IL1RAPL1: variants seen among roughly 807,000 people sequenced by gnomAD.
IL1RAPL1 encodes interleukin 1 receptor accessory protein like 1.
In IL1RAPL1, 3 loss-of-function variants were observed where a neutral mutation model predicts 48.4. The ratio of observed to expected loss-of-function variants is 0.06; its 90% CI spans 0.03 to 0.16. The LOEUF (loss-of-function observed/expected upper bound fraction) is 0.16. Ranked by LOEUF, IL1RAPL1 falls within the 10% of genes least tolerant of loss-of-function variation. The probability of loss-of-function intolerance (pLI) is 1.00; values close to 1 mark genes in which losing one functional copy is unlikely to be tolerated. For synonymous variants in IL1RAPL1, 185 were observed against 187.7 expected, an observed-to-expected ratio of 0.99 and a Z score of 0.12; for missense variants, 349 against 530.6, an observed-to-expected ratio of 0.66 and a Z score of 3.36.
At chrX:29,377,609 A>G (rs144748013) in intron 3 of IL1RAPL1, among the ~76,000 whole-genome samples, 1,554 of 111,839 alleles carry the variant, frequency 0.014, 28 homozygotes, top group African/African-American at 0.048. Flanking sequence ...TTTCTCCTTC[A>G]CTTATGAAGC....
intron 1 of IL1RAPL1, among the ~76,000 whole-genome samples, chrX:28,732,539 A>G (rs1261145391): frequency 8.9e-6 from 1 of 112,106 alleles, no homozygotes; most frequent in East Asian, 2.8e-4. Context: ...TGATTAATTC[A>G]GGTAATTGAA....
rs777501897 is a variant in IL1RAPL1, at chrX:29,763,050, GT to G, written c.778+94560del. ...CTAAAGTGATAAGAAAAAGTTTTTTGTTTTTTTTTTTTTTGAGCAAAACTGT... is the reference window on the plus strand; with the variant it reads ...CTAAAGTGATAAGAAAAAGTTTTTTGTTTTTTTTTTTTTGAGCAAAACTGT... On this transcript the variant is annotated intron_variant, in intron 6 of 10. Coordinates refer to ENST00000378993, the MANE Select transcript of IL1RAPL1 (RefSeq NM_014271.4). 7.1e-3 allele frequency among the ~76,000 whole-genome samples: 665 copies of G among 94,011 alleles called. 7 individuals are homozygous for G. Among genetic ancestry groups the G allele is most frequent in the African/African-American group, 0.022 (573 of 26,191 alleles). 81.6% of individuals were successfully genotyped at this position (94,011 alleles called of 115,157 possible). A position where few individuals can be genotyped will look rare whatever the true frequency, so the allele number is the denominator to read the frequency against.
intron 6 of IL1RAPL1, among the ~76,000 whole-genome samples, chrX:29,879,672 A>T (rs1392747320): frequency 9.1e-6 from 1 of 110,372 alleles, no homozygotes; most frequent in Non-Finnish European, 1.9e-5. Flanking sequence ...TTTCCGTTTT[A>T]AAAATATCGT....
At chrX:29,922,964 T>A (rs761415607) in intron 8 of IL1RAPL1, among the ~76,000 whole-genome samples, 1 of 110,252 alleles carries the variant, frequency 9.1e-6, no homozygotes, top group East Asian at 2.8e-4. Flanking sequence ...CCACAAGCTG[T>A]CATTGCTTCT....
rs1194039019 is a variant in IL1RAPL1 at position 29,206,263 on chromosome X, A to G, written c.83-76675A>G. ...TGTGTATGTATAGGATAATTAATTT[A>G]AAATGTGTCATATTTAAAAGAAAAT... On this transcript the variant is annotated intron_variant, in intron 2 of 10. Transcript: ENST00000378993. 4.5e-5 allele frequency among the ~76,000 whole-genome samples: 5 copies of G among 111,499 alleles called. No homozygotes were observed. In the East Asian group the frequency reaches 1.4e-3, roughly 31 times the overall value.
chrX:29,168,774 TGTA>T (rs1277295654), intron 2 of IL1RAPL1, among the ~76,000 whole-genome samples: 2 of 95,790 alleles, frequency 2.1e-5, no homozygotes, highest in Non-Finnish European at 4.2e-5. Context: ...TATGTACAAT[TGTA>T]TATATATATT....
chrX:29,096,835 C>G (rs952771810), intron 2 of IL1RAPL1, among the ~76,000 whole-genome samples: 1 of 110,816 alleles, frequency 9.0e-6, no homozygotes, highest in African/African-American at 3.3e-5. Flanking sequence ...AAAGCACGTA[C>G]CTTGGTCATC....
intron 2 of IL1RAPL1, among the ~76,000 whole-genome samples, chrX:29,076,913 G>A (rs977921856): frequency 2.7e-5 from 3 of 111,440 alleles, no homozygotes; most frequent in Admixed American, 9.6e-5. Context: ...TGCTAGTTGC[G>A]TTGTGGATTT....
At chrX:28,837,965 C>T (rs1032185824) in intron 2 of IL1RAPL1, among the ~76,000 whole-genome samples, 1 of 110,195 alleles carries the variant, frequency 9.1e-6, no homozygotes, top group Non-Finnish European at 1.9e-5. Context: ...CTTGACCTTA[C>T]GTTTTCCTAG....
chrX:28,922,718 A>G (rs1424978219), intron 2 of IL1RAPL1, among the ~76,000 whole-genome samples: 1 of 112,151 alleles, frequency 8.9e-6, no homozygotes, highest in African/African-American at 3.2e-5. Flanking sequence ...GAAGACAAAT[A>G]TCAAAGAATT....
intron 2 of IL1RAPL1, among the ~76,000 whole-genome samples, chrX:29,161,216 C>T (rs1929677899): frequency 1.8e-5 from 2 of 111,568 alleles, no homozygotes; most frequent in Admixed American, 9.5e-5. Flanking sequence ...TCAAGTACAG[C>T]TATAAAATGA....
chrX:29,462,043 A>G (rs1934808904), intron 5 of IL1RAPL1, among the ~76,000 whole-genome samples: 1 of 112,428 alleles, frequency 8.9e-6, no homozygotes, highest in Non-Finnish European at 1.9e-5. Context: ...AGCATAGAAT[A>G]CTGTTATATG....
intron 1 of IL1RAPL1, among the ~76,000 whole-genome samples, chrX:28,727,254 C>T (rs1029323973): frequency 2.7e-5 from 3 of 109,453 alleles, no homozygotes; most frequent in African/African-American, 1.0e-4. Flanking sequence ...CTTCACATCC[C>T]TTGTAAGTTG....
At chrX:29,377,107 A>G (rs1002983120) in intron 3 of IL1RAPL1, among the ~76,000 whole-genome samples, 10 of 112,119 alleles carry the variant, frequency 8.9e-5, no homozygotes, top group Admixed American at 7.6e-4. Context: ...ATCATTATGT[A>G]ATGCCCTTCT....
chrX:29,319,364 A>ATTTTTATTTTTTTTTTTTTTT (rs1932786171), intron 3 of IL1RAPL1, among the ~76,000 whole-genome samples: 1 of 58,137 alleles, frequency 1.7e-5, no homozygotes, highest in African/African-American at 7.3e-5. Flanking sequence ...GATAAATTTA[A>ATTTTTATTTTTTTTTTTTTTT]TTTTTTTTTT....
intron 6 of IL1RAPL1, among the ~76,000 whole-genome samples, chrX:29,848,450 AC>A (rs1157460686): frequency 2.4e-4 from 27 of 110,739 alleles, no homozygotes; most frequent in South Asian, 3.8e-4. Flanking sequence ...AAAAAAAAAA[AC>A]ATCCTATTAT....
chrX:28,944,635 T>C (rs1430727835), intron 2 of IL1RAPL1, among the ~76,000 whole-genome samples: 1 of 110,741 alleles, frequency 9.0e-6, no homozygotes, highest in African/African-American at 3.3e-5. Context: ...AGTAAAAATA[T>C]CCGACATGAA....
chrX:29,483,627 T>C (rs1935063856), intron 5 of IL1RAPL1, among the ~76,000 whole-genome samples: 1 of 110,953 alleles, frequency 9.0e-6, no homozygotes, highest in African/African-American at 3.3e-5. Context: ...TCTTATGATA[T>C]ATAACATAAG....
intron 6 of IL1RAPL1, among the ~76,000 whole-genome samples, chrX:29,792,799 C>T (rs1353927763): frequency 9.0e-6 from 1 of 111,097 alleles, no homozygotes; most frequent in African/African-American, 3.3e-5. Context: ...GCTGGGTGAT[C>T]TCTAAACAAT....
Sources: allele counts gnomAD v4.1 joint callset (sites outside exome capture counted in the v4.1 genomes callset), GRCh38; gene constraint gnomAD v4.1.1; transcripts MANE v1.5; gene names NCBI Gene and HGNC (gene_info 2026-07-23, HGNC 2026-07-21).